The following NALF1 variants were observed in gnomAD, a reference collection of about 807,000 sequenced individuals.
The protein encoded by NALF1 is NALCN channel auxiliary factor 1.
A neutral mutation model predicts 48.4 loss-of-function variants in NALF1; 3 were observed. The ratio of observed to expected loss-of-function variants is 0.06; its 90% CI spans 0.03 to 0.16. The LOEUF (loss-of-function observed/expected upper bound fraction) is 0.16. NALF1 is among the 10% of genes least tolerant of loss of function. NALF1 has a pLI of 1.00. For synonymous variants in NALF1, 262 were observed against 245.7 expected, an observed-to-expected ratio of 1.07 and a Z score of -0.62; for missense variants, 526 against 571.5, an observed-to-expected ratio of 0.92 and a Z score of 0.81.
intron 1 of NALF1, among the ~76,000 whole-genome samples, chr13:107,762,926 G>A (rs1032827726): frequency 6.6e-6 from 1 of 152,202 alleles, no homozygotes; most frequent in African/African-American, 2.4e-5. Context: ...GAAATAATTA[G>A]AAGCTTTTTA....
intron 1 of NALF1, among the ~76,000 whole-genome samples, chr13:107,486,460 C>A (rs138797387): frequency 1.3e-5 from 2 of 152,202 alleles, no homozygotes; most frequent in Admixed American, 1.3e-4. Context: ...TTGTATTAAA[C>A]CATGGCCCAA....
chr13:107,687,329 G>T (rs1263917354), intron 1 of NALF1, among the ~76,000 whole-genome samples: 5 of 151,820 alleles, frequency 3.3e-5, no homozygotes, highest in Admixed American at 3.3e-4. Context: ...GGAGGGAGGG[G>T]GAAGGGCTGC....
intron 1 of NALF1, among the ~76,000 whole-genome samples, chr13:107,352,577 A>G (rs1882896511): frequency 6.6e-6 from 1 of 152,188 alleles, no homozygotes; most frequent in Non-Finnish European, 1.5e-5. Flanking sequence ...CACAAGGAGG[A>G]AAGATGGCAA....
rs377107289 is a variant in NALF1 at position 107,481,455 on chromosome 13, TAA to T, written c.916-270702_916-270701del. Among the ~76,000 whole-genome samples, 202 of 152,312 alleles carry T rather than the reference TAA, an allele frequency of 1.3e-3. 2 individuals carry two copies. The highest frequency in any genetic ancestry group is 4.5e-3 in the African/African-American group (189 of 41,578). ...AAGTTAATTTCTTTGCTATTAAAAA[TAA>T]GTTATTATAAAAGCAATTAAACTAA... On this transcript the variant is annotated intron_variant, in intron 1 of 2. Transcript: ENST00000375915.
intron 1 of NALF1, among the ~76,000 whole-genome samples, chr13:107,762,442 TA>T (rs145529242): frequency 2.6e-5 from 4 of 151,400 alleles, no homozygotes; most frequent in Admixed American, 1.3e-4. Context: ...AAAATTAAAT[TA>T]AAAAAAAGGA....
At chr13:107,268,712 C>A (rs9555338) in intron 1 of NALF1, among the ~76,000 whole-genome samples, 40,498 of 151,896 alleles carry the variant, frequency 0.27, 6,205 homozygotes, top group East Asian at 0.52. Context: ...TAAGCTAAGA[C>A]CCAGAATTAG....
chr13:107,693,531 T>A (rs2138506040), intron 1 of NALF1, among the ~76,000 whole-genome samples: 1 of 151,570 alleles, frequency 6.6e-6, no homozygotes, highest in East Asian at 1.9e-4. Flanking sequence ...GGAAACACTT[T>A]TCAGTCACAG....
intron 2 of NALF1, among the ~76,000 whole-genome samples, chr13:107,200,159 C>G (rs7991753): frequency 0.038 from 5,787 of 152,292 alleles, 412 homozygotes; most frequent in African/African-American, 0.13. Flanking sequence ...GTGAGCACCA[C>G]AGCAGCAGAA....
At chr13:107,687,075 A>C (rs1417877207) in intron 1 of NALF1, among the ~76,000 whole-genome samples, 3 of 152,242 alleles carry the variant, frequency 2.0e-5, no homozygotes, top group African/African-American at 7.2e-5. Context: ...GGATGATTGG[A>C]TAAAGAAAAT....
At chr13:107,832,817 T>A (rs1451111469) in intron 1 of NALF1, among the ~76,000 whole-genome samples, 1 of 152,220 alleles carries the variant, frequency 6.6e-6, no homozygotes, top group African/African-American at 2.4e-5. Context: ...TGCTGTCTCC[T>A]GACCCCCAGT....
rs1883077096 is a variant in NALF1, at chr13:107,362,311, T to C, written c.916-151556A>G. Among the ~76,000 whole-genome samples the C allele has an allele frequency of 6.6e-6, 1 of 152,198 alleles. No homozygotes were observed. ...AACAAACTATGATCAACTGAGTAGCTGAAAACAAGAGAAATGCATTGTCCA... is the reference window on the plus strand; with the variant it reads ...AACAAACTATGATCAACTGAGTAGCCGAAAACAAGAGAAATGCATTGTCCA... On this transcript the variant is annotated intron_variant, in intron 1 of 2. Transcript: ENST00000375915. The surrounding 1 kb of genome is among the most constrained non-coding windows in gnomAD (Gnocchi z 4.6).
chr13:107,806,222 A>C (rs1797963573), intron 1 of NALF1, among the ~76,000 whole-genome samples: 1 of 152,194 alleles, frequency 6.6e-6, no homozygotes, highest in South Asian at 2.1e-4. Flanking sequence ...CTACAGTTTT[A>C]AAATATTCTG....
At chr13:107,574,759 C>T (rs150411416) in intron 1 of NALF1, among the ~76,000 whole-genome samples, 1 of 152,224 alleles carries the variant, frequency 6.6e-6, no homozygotes, top group African/African-American at 2.4e-5. Flanking sequence ...CTAAAGGACA[C>T]GCTGATTTCT....
intron 1 of NALF1, among the ~76,000 whole-genome samples, chr13:107,611,401 T>A (rs1879220993): frequency 1.3e-5 from 2 of 152,200 alleles, no homozygotes; most frequent in Non-Finnish European, 2.9e-5. Context: ...CACATTCATA[T>A]TCACGATAGC....
intron 1 of NALF1, among the ~76,000 whole-genome samples, chr13:107,738,021 C>A (rs781276869): frequency 3.3e-5 from 5 of 152,090 alleles, no homozygotes; most frequent in Admixed American, 1.3e-4. Context: ...CAGTTTGATA[C>A]TAAGACACAA....
chr13:107,616,695 T>C (rs1199683754), intron 1 of NALF1, among the ~76,000 whole-genome samples: 2 of 152,208 alleles, frequency 1.3e-5, no homozygotes, highest in African/African-American at 4.8e-5. Context: ...AGCTGACATA[T>C]GGAAGACACA....
At chr13:107,211,489 G>C (rs772663520) in intron 1 of NALF1, among the ~76,000 whole-genome samples, 20 of 152,222 alleles carry the variant, frequency 1.3e-4, no homozygotes, top group Non-Finnish European at 2.1e-4. Context: ...TTCATCAAAT[G>C]TGAAAGGACT....
At chr13:107,411,024 T>C (rs530456277) in intron 1 of NALF1, among the ~76,000 whole-genome samples, 4 of 152,272 alleles carry the variant, frequency 2.6e-5, no homozygotes, top group African/African-American at 9.6e-5. Flanking sequence ...TGCTTGCAAC[T>C]GGTCATCCAA....
chr13:107,609,996 A>C (rs991482189), intron 1 of NALF1, among the ~76,000 whole-genome samples: 2 of 152,224 alleles, frequency 1.3e-5, no homozygotes, highest in African/African-American at 4.8e-5. Context: ...ATAAATGATG[A>C]TGATTGATAG....
Sources: allele counts gnomAD v4.1 joint callset (sites outside exome capture counted in the v4.1 genomes callset), GRCh38; gene constraint gnomAD v4.1.1; non-coding constraint Gnocchi (gnomAD v3.1); transcripts MANE v1.5; gene names NCBI Gene and HGNC (gene_info 2026-07-23, HGNC 2026-07-21).